Variants in NR6A1 observed in about 807,000 individuals in gnomAD.
The protein encoded by NR6A1 is retinoic acid receptor-related testis-associated receptor.
NR6A1 carries 7 observed loss-of-function variants against 59.1 expected under a neutral mutation model. That is an observed-to-expected ratio of 0.12 (90% CI 0.07 to 0.22). The LOEUF is 0.22. Among genes scored for constraint, NR6A1 ranks in the 10% least tolerant of loss-of-function variants. The pLI is 1.00. For missense variants in NR6A1, 468 were observed against 611.6 expected (o/e 0.77, Z 2.48); for synonymous variants, 243 against 236.1 (o/e 1.03, Z -0.27).
At chr9:124,572,893 C>CA (rs1834480048) in intron 2 of NR6A1, among the ~76,000 whole-genome samples, 1 of 151,958 alleles carries the variant, frequency 6.6e-6, no homozygotes, top group Non-Finnish European at 1.5e-5. Flanking sequence ...TTTTTCCAAC[C>CA]AAAAAATGAG....
chr9:124,747,209 AGACAGAGTT>A (rs1840360750), intron 1 of NR6A1, among the ~76,000 whole-genome samples: 1 of 73,526 alleles, frequency 1.4e-5, no homozygotes, highest in Non-Finnish European at 2.7e-5. Flanking sequence ...TTTTTTTTTG[AGACAGAGTT>A]TCACTTAGTC....
intron 2 of NR6A1, among the ~76,000 whole-genome samples, chr9:124,660,807 A>G (rs1837411582): frequency 6.6e-6 from 1 of 152,194 alleles, no homozygotes; most frequent in African/African-American, 2.4e-5. Flanking sequence ...AACTTCATTC[A>G]ATGCCCTTGG....
chr9:124,619,258 T>A lies in NR6A1; in HGVS notation c.143-64688A>T, dbSNP rs1835990725. 2.0e-5 allele frequency among the ~76,000 whole-genome samples: 3 copies of A among 152,126 alleles called. No individual in the cohort carries two copies. In the South Asian group the frequency reaches 6.2e-4, roughly 32 times the overall value. ...AAGCTACACAATTAAGTATGTAATT[T>A]TAATTAAAAAAAAAATTTTTTTTGA... On this transcript the variant is annotated intron_variant, in intron 2 of 9. Coordinates refer to ENST00000487099, the MANE Select transcript of NR6A1 (RefSeq NM_033334.4).
intron 2 of NR6A1, among the ~76,000 whole-genome samples, chr9:124,582,594 A>G (rs1486099030): frequency 1.3e-5 from 2 of 151,958 alleles, no homozygotes; most frequent in African/African-American, 4.8e-5. Context: ...AAAAAAAAAG[A>G]AATGGTTCTG....
chr9:124,562,962 A>G (rs1274026002), intron 2 of NR6A1, among the ~76,000 whole-genome samples: 3 of 152,246 alleles, frequency 2.0e-5, no homozygotes, highest in African/African-American at 7.2e-5. Flanking sequence ...GAATCTAGTC[A>G]TCGATCTGAC....
intron 2 of NR6A1, among the ~76,000 whole-genome samples, chr9:124,614,945 C>T (rs1174077515): frequency 6.6e-6 from 1 of 152,138 alleles, no homozygotes; most frequent in Non-Finnish European, 1.5e-5. Flanking sequence ...CCTTGTGGTC[C>T]CAGTGATATA....
chr9:124,578,029 C>A (rs974741653), intron 2 of NR6A1, among the ~76,000 whole-genome samples: 1 of 152,160 alleles, frequency 6.6e-6, no homozygotes, highest in African/African-American at 2.4e-5. Context: ...CATCTGAATT[C>A]TCCCCTTTTT....
intron 8 of NR6A1, 27 bp from the exon 9 acceptor site, chr9:124,524,900 C>A: frequency 1.3e-6 from 2 of 1,582,424 alleles, no homozygotes; most frequent in Non-Finnish European, 1.7e-6. Flanking sequence ...AACACACACA[C>A]ACATACAGGG....
At chr9:124,588,937 AG>A (rs58786543) in intron 2 of NR6A1, among the ~76,000 whole-genome samples, 9,657 of 135,162 alleles carry the variant, frequency 0.071, 1,049 homozygotes, top group African/African-American at 0.27. Context: ...AAAAAAAGAA[AG>A]AAAAAAAAAA....
At chr9:124,595,699 T>C in intron 2 of NR6A1, 1 of 1,035,138 alleles carries the variant, frequency 9.7e-7, no homozygotes, top group Non-Finnish European at 1.3e-6. Flanking sequence ...GCTCTAAACC[T>C]TCAAAGAAAA....
chr9:124,654,912 A>ACACACACACC (rs758199833), intron 2 of NR6A1, among the ~76,000 whole-genome samples: 2 of 143,366 alleles, frequency 1.4e-5, no homozygotes, highest in African/African-American at 2.6e-5. Flanking sequence ...ACACACACAC[A>ACACACACACC]CCTGCCAAAC....
chr9:124,708,632 A>T (rs1839197219), intron 2 of NR6A1, among the ~76,000 whole-genome samples: 1 of 152,214 alleles, frequency 6.6e-6, no homozygotes, highest in African/African-American at 2.4e-5. Flanking sequence ...CAACAGCCCA[A>T]AACTGTAAAG....
At chr9:124,730,494 CA>C (rs1205293916) in intron 2 of NR6A1, among the ~76,000 whole-genome samples, 1 of 151,706 alleles carries the variant, frequency 6.6e-6, no homozygotes, top group Non-Finnish European at 1.5e-5. Flanking sequence ...TTTGGCCTCC[CA>C]AAGTGCTGGA....
chr9:124,566,470 GA>G, intron 2 of NR6A1, among the ~76,000 whole-genome samples: 1 of 152,298 alleles, frequency 6.6e-6, no homozygotes, highest in South Asian at 2.1e-4. Flanking sequence ...CAAAAGGAAG[GA>G]AAACAAACGC....
chr9:124,705,444 C>T (rs1668323752), intron 2 of NR6A1, among the ~76,000 whole-genome samples: 2 of 151,962 alleles, frequency 1.3e-5, no homozygotes, highest in Admixed American at 1.3e-4. Flanking sequence ...ACAGTATGTC[C>T]CTGTCTCTAG....
At chr9:124,622,008 G>A (rs1836090933) in intron 2 of NR6A1, among the ~76,000 whole-genome samples, 1 of 152,124 alleles carries the variant, frequency 6.6e-6, no homozygotes, top group African/African-American at 2.4e-5. Flanking sequence ...GAGCCCAGGA[G>A]TTTGAAACCA....
chr9:124,745,600 G>A (rs575463224), intron 1 of NR6A1, among the ~76,000 whole-genome samples: 1 of 151,594 alleles, frequency 6.6e-6, no homozygotes, highest in East Asian at 1.9e-4. Context: ...GAACCCGGGA[G>A]GCAGAGGTTG....
At chr9:124,613,563 A>G (rs147605167) in intron 2 of NR6A1, among the ~76,000 whole-genome samples, 41 of 152,196 alleles carry the variant, frequency 2.7e-4, no homozygotes, top group Non-Finnish European at 5.3e-4. Context: ...AGGGAGGCTG[A>G]GGTGGGAGGA....
chr9:124,544,361 C>A (rs1031278903), intron 3 of NR6A1, among the ~76,000 whole-genome samples: 1 of 151,894 alleles, frequency 6.6e-6, no homozygotes, highest in African/African-American at 2.4e-5. Flanking sequence ...CCTGTGTAGT[C>A]GAAGGAACTT....
Sources: gnomAD v4.1 joint callset for allele counts (sites outside exome capture counted in the v4.1 genomes callset) on GRCh38, gnomAD v4.1.1 for gene constraint, MANE v1.5 for transcripts, NCBI Gene and HGNC (gene_info 2026-07-23, HGNC 2026-07-21) for gene names.